Variants in NGLY1 observed in about 807,000 individuals in gnomAD.
NGLY1 encodes peptide-N(4)-(N-acetyl-beta-glucosaminyl)asparagine amidase.
A neutral mutation model predicts 84.6 loss-of-function variants in NGLY1; 68 were observed. The ratio of observed to expected loss-of-function variants is 0.80; its 90% confidence interval spans 0.66 to 0.98. The LOEUF (loss-of-function observed/expected upper bound fraction) is 0.98. Ranked by LOEUF, NGLY1 falls within the 50% of genes least tolerant of loss-of-function variation. The probability of loss-of-function intolerance (pLI) is 0.00; values close to 1 mark genes in which losing one functional copy is unlikely to be tolerated. For missense variants in NGLY1, 779 were observed against 770.2 expected (o/e 1.01, Z -0.14); for synonymous variants, 280 against 275.2 (o/e 1.02, Z -0.17).
intron 5 of NGLY1, 152 bp downstream of exon 5, chr3:25,739,425 G>A: frequency 1.5e-6 from 1 of 687,410 alleles, no homozygotes. Context: ...CAGGATGTCG[G>A]CTGGATTTAG....
At chr3:25,754,484 A>G (rs557709539) in intron 3 of NGLY1, among the ~76,000 whole-genome samples, 2 of 152,184 alleles carry the variant, frequency 1.3e-5, no homozygotes, top group East Asian at 3.9e-4. Flanking sequence ...GTCGCTTTTC[A>G]TTGCAATGAT....
At chr3:25,789,755 T>A in intron 1 of NGLY1, 1 of 1,308,006 alleles carries the variant, frequency 7.6e-7, no homozygotes, top group African/African-American at 1.5e-5. Context: ...TAATTCTTTC[T>A]TACAATTCCA....
chr3:25,744,750 C>T (rs1706333353), intron 4 of NGLY1, among the ~76,000 whole-genome samples: 2 of 152,204 alleles, frequency 1.3e-5, no homozygotes, highest in Non-Finnish European at 2.9e-5. Context: ...AGAAGAAGCT[C>T]AAATTAGAGA....
At chr3:25,771,720 T>C (rs1288843261) in intron 2 of NGLY1, among the ~76,000 whole-genome samples, 3 of 152,200 alleles carry the variant, frequency 2.0e-5, no homozygotes, top group African/African-American at 7.2e-5. Context: ...CAATGTTTTG[T>C]AGTTTTCCTT....
intron 4 of NGLY1, among the ~76,000 whole-genome samples, chr3:25,741,130 TAAAAAAA>T (rs376282084): frequency 2.8e-5 from 3 of 105,646 alleles, no homozygotes; most frequent in Non-Finnish European, 5.9e-5. Context: ...TCTGTCTCAT[TAAAAAAA>T]AAAAAAAAAA....
intron 3 of NGLY1, among the ~76,000 whole-genome samples, chr3:25,751,623 G>C (rs1057490883): frequency 6.6e-6 from 1 of 152,210 alleles, no homozygotes; most frequent in African/African-American, 2.4e-5. Context: ...AAAGAGGTGT[G>C]CTCTTAAAGA....
intron 1 of NGLY1, among the ~76,000 whole-genome samples, chr3:25,780,466 T>C (rs1431409455): frequency 6.6e-6 from 1 of 152,254 alleles, no homozygotes; most frequent in Non-Finnish European, 1.5e-5. Flanking sequence ...TATATCCTAC[T>C]GGTTCAAAAC....
rs768759379 is a variant in NGLY1 at position 25,783,403 on chromosome 3, G to C, written c.-13C>G. On this transcript the variant is annotated 5_prime_UTR_variant, in exon 1 of 12. Coordinates refer to ENST00000280700, the MANE Select transcript of NGLY1 (RefSeq NM_018297.4). This position sits in a 1 kb window ranked among gnomAD's most constrained non-coding sequence, Gnocchi z 4.5. ...CCGCCGCCGCCATGCTTGAGCGCCA[G>C]CGGGCGCCGCCGCCGCCCCTCGCTC... The C allele has an allele frequency of 4.2e-5, 64 of 1,523,878 alleles. No individual in the cohort carries two copies. Among genetic ancestry groups the C allele is most frequent in the Non-Finnish European group, 5.5e-5 (62 of 1,136,986 alleles). 94.4% of individuals were successfully genotyped at this position (1,523,878 alleles called of 1,614,324 possible).
chr3:25,785,685 A>C (rs1708588709), upstream of NGLY1, among the ~76,000 whole-genome samples: 1 of 152,102 alleles, frequency 6.6e-6, no homozygotes, highest in Admixed American at 6.5e-5. Context: ...AAAAAACAAA[A>C]ACAAAAACAT....
intron 9 of NGLY1, chr3:25,730,672 A>G (rs1705495895): frequency 6.6e-6 from 1 of 152,150 alleles, no homozygotes; most frequent in African/African-American, 2.4e-5. Context: ...CTGAACCAAC[A>G]CTTTTAACTG....
At chr3:25,789,116 T>C (rs1708665254) in intron 1 of NGLY1, among the ~76,000 whole-genome samples, 2 of 152,236 alleles carry the variant, frequency 1.3e-5, no homozygotes, top group African/African-American at 4.8e-5. Context: ...AGATGTTCGA[T>C]GAATACCATC....
chr3:25,728,491 T>G (rs1705372357), intron 10 of NGLY1, among the ~76,000 whole-genome samples: 1 of 152,136 alleles, frequency 6.6e-6, no homozygotes, highest in African/African-American at 2.4e-5. Context: ...TTTATTTTGG[T>G]GTGTTTCTAA....
At chr3:25,743,782 AAC>A (rs1450976939) in intron 4 of NGLY1, among the ~76,000 whole-genome samples, 1 of 152,204 alleles carries the variant, frequency 6.6e-6, no homozygotes, top group Admixed American at 6.5e-5. Flanking sequence ...AGGAAAGGAA[AAC>A]AGAGTATTTG....
chr3:25,763,828 T>C (rs1319593637), intron 3 of NGLY1, among the ~76,000 whole-genome samples: 1 of 152,208 alleles, frequency 6.6e-6, no homozygotes, highest in African/African-American at 2.4e-5. Context: ...GTTGTGCTGT[T>C]GGAAATAACC....
chr3:25,772,077 T>A (rs2125307798), intron 2 of NGLY1, among the ~76,000 whole-genome samples: 1 of 152,316 alleles, frequency 6.6e-6, no homozygotes, highest in Non-Finnish European at 1.5e-5. Flanking sequence ...TGAATAGAAG[T>A]GGTGAAAGTG....
At chr3:25,722,366 T>C (rs1383706595) in intron 10 of NGLY1, among the ~76,000 whole-genome samples, 2 of 152,020 alleles carry the variant, frequency 1.3e-5, no homozygotes. Flanking sequence ...GAAAGTACCA[T>C]ATAAAACACA....
At chr3:25,786,182 G>GT (rs879497571), upstream of NGLY1, among the ~76,000 whole-genome samples, 4 of 152,048 alleles carry the variant, frequency 2.6e-5, no homozygotes, top group Non-Finnish European at 5.9e-5. Context: ...TTAGCCAGGC[G>GT]TGTTAGTGCA....
upstream of NGLY1, among the ~76,000 whole-genome samples, chr3:25,786,455 T>G (rs2125335570): frequency 6.6e-6 from 1 of 152,308 alleles, no homozygotes; most frequent in South Asian, 2.1e-4. Flanking sequence ...AGAATTTCAA[T>G]GCTGATTTAG....
At chr3:25,735,245 A>G (rs1307405227) in intron 7 of NGLY1, 25 of 152,324 alleles carry the variant, frequency 1.6e-4, no homozygotes, top group Admixed American at 1.6e-3. Context: ...CTCTTCAAAA[A>G]TCATTAAGAG....
Sources: gnomAD v4.1 joint callset for allele counts (sites outside exome capture counted in the v4.1 genomes callset) on GRCh38, gnomAD v4.1.1 for gene constraint, Gnocchi (gnomAD v3.1) non-coding constraint, MANE v1.5 for transcripts, NCBI Gene and HGNC (gene_info 2026-07-23, HGNC 2026-07-21) for gene names.